Variants in PBX1 observed in about 807,000 individuals in gnomAD.
The protein encoded by PBX1 is pre-B-cell leukemia transcription factor 1.
In PBX1, 6 loss-of-function variants were observed where a neutral mutation model predicts 53.4. That is an observed-to-expected ratio of 0.11 (90% CI 0.06 to 0.22). PBX1 has a LOEUF of 0.22. Among genes scored for constraint, PBX1 ranks in the 10% least tolerant of loss-of-function variants. The pLI is 1.00. For missense variants in PBX1, 251 were observed against 551.4 expected (o/e 0.46, Z 5.46); for synonymous variants, 204 against 212.3 (o/e 0.96, Z 0.34).
intron 3 of PBX1, among the ~76,000 whole-genome samples, chr1:164,796,935 T>C (rs1417831213): frequency 6.6e-6 from 1 of 152,216 alleles, no homozygotes; most frequent in African/African-American, 2.4e-5. Flanking sequence ...CCAGCTTCTT[T>C]AGATACAAGG....
chr1:164,863,999 T>A (rs551187900), intron 2 of PBX1, among the ~76,000 whole-genome samples: 2 of 152,288 alleles, frequency 1.3e-5, no homozygotes, highest in Non-Finnish European at 1.5e-5. Context: ...GCAGGGATAA[T>A]AAGAGGAATA....
chr1:164,734,778 T>G (rs1665179304), intron 2 of PBX1, among the ~76,000 whole-genome samples: 1 of 152,106 alleles, frequency 6.6e-6, no homozygotes, highest in South Asian at 2.1e-4. Context: ...GGGGGAGGAA[T>G]AGAAAGATGA....
intron 2 of PBX1, among the ~76,000 whole-genome samples, chr1:164,774,159 C>G (rs895496001): frequency 7.2e-5 from 11 of 151,862 alleles, no homozygotes; most frequent in Admixed American, 3.3e-4. Flanking sequence ...AAATAAATGA[C>G]AGAATAAAAA....
chr1:164,687,560 CTA>C (rs1491386825), intron 2 of PBX1, among the ~76,000 whole-genome samples: 1 of 26,846 alleles, frequency 3.7e-5, no homozygotes, highest in Admixed American at 5.9e-4. Flanking sequence ...GAGACCTTGT[CTA>C]AAAAAAAAAA....
rs191262480 is a variant in PBX1 at position 164,801,105 on chromosome 1, G to A, written c.701+1216G>A. Among the ~76,000 whole-genome samples, 464 of 152,264 alleles carry A rather than the reference G, an allele frequency of 3.0e-3. 4 individuals are homozygous for A. The highest frequency in any genetic ancestry group is 9.7e-3 in the African/African-American group (405 of 41,548). ...TTGGGTTGCATGGAATATAACATGA[G>A]AATGCCGGCTAGCAAAATGTAACTC... On this transcript the variant is annotated intron_variant, in intron 4 of 8. Coordinates refer to ENST00000420696, the MANE Select transcript of PBX1 (RefSeq NM_002585.4).
chr1:164,729,479 A>C (rs563924229), intron 2 of PBX1, among the ~76,000 whole-genome samples: 507 of 152,284 alleles, frequency 3.3e-3, no homozygotes, highest in African/African-American at 0.012. Context: ...ATGTTGTGTA[A>C]ATATGTATAT....
At chr1:164,826,646 C>A (rs1670479327) in intron 8 of PBX1, among the ~76,000 whole-genome samples, 1 of 152,124 alleles carries the variant, frequency 6.6e-6, no homozygotes, top group Admixed American at 6.5e-5. Context: ...CTCAAGTGAT[C>A]CTCCTGCCTC....
intron 2 of PBX1, among the ~76,000 whole-genome samples, chr1:164,646,827 T>C (rs1450230225): frequency 6.6e-6 from 1 of 152,268 alleles, no homozygotes; most frequent in Admixed American, 6.5e-5. Context: ...GTGTTTGCTT[T>C]ACAGCAAATC....
chr1:164,823,097 G>A (rs905713953), intron 8 of PBX1, among the ~76,000 whole-genome samples: 5 of 152,198 alleles, frequency 3.3e-5, no homozygotes, highest in African/African-American at 1.2e-4. Context: ...CTCTGGAATG[G>A]AAGGAGAGAA....
intron 2 of PBX1, among the ~76,000 whole-genome samples, chr1:164,859,179 C>G (rs1389433685): frequency 6.6e-6 from 1 of 152,170 alleles, no homozygotes; most frequent in African/African-American, 2.4e-5. Context: ...CTCTGGTAAA[C>G]TTTCTTAGAG....
rs190797584 is a variant in PBX1, at chr1:164,838,702, A to T, written c.1201-7882A>T. 2.6e-4 allele frequency among the ~76,000 whole-genome samples: 39 copies of T among 152,270 alleles called. 1 individual carries two copies. Among genetic ancestry groups the T allele is most frequent in the African/African-American group, 9.4e-4 (39 of 41,562 alleles). ...TTCTCTCCTGAGAAGTAGGAGTAAGAGTTCACACTAGATTTGTGTACCACT... is the reference window on the plus strand; with the variant it reads ...TTCTCTCCTGAGAAGTAGGAGTAAGTGTTCACACTAGATTTGTGTACCACT... On this transcript the variant is annotated intron_variant, in intron 8 of 8. Transcript: ENST00000420696.
intron 2 of PBX1, among the ~76,000 whole-genome samples, chr1:164,869,605 T>C (rs1205615573): frequency 6.6e-6 from 1 of 152,134 alleles, no homozygotes; most frequent in Non-Finnish European, 1.5e-5. Context: ...AGAACTCAAG[T>C]AGACCAAATA....
chr1:164,563,349 GCCAATTAAATCACTTAA>G, intron 2 of PBX1, 38 bp downstream of exon 2: 1 of 1,389,442 alleles, frequency 7.2e-7, no homozygotes. Flanking sequence ...ATTTTCTTTG[GCCAATTAAATCACTTAA>G]CCAGCAGTCA....
intron 2 of PBX1, among the ~76,000 whole-genome samples, chr1:164,697,792 G>C (rs1662875841): frequency 6.6e-6 from 1 of 152,112 alleles, no homozygotes; most frequent in African/African-American, 2.4e-5. Context: ...GCCTGATTGT[G>C]GTCTTCACAT....
At chr1:164,819,087 C>G (rs984661677) in intron 6 of PBX1, 1 of 152,194 alleles carries the variant, frequency 6.6e-6, no homozygotes, top group Non-Finnish European at 1.5e-5. Flanking sequence ...AAACCTTGCA[C>G]GTTGAGCTTT....
At chr1:164,861,660 G>A (rs1460283383) in intron 2 of PBX1, among the ~76,000 whole-genome samples, 1 of 152,158 alleles carries the variant, frequency 6.6e-6, no homozygotes, top group Non-Finnish European at 1.5e-5. Context: ...GAAGTGACAA[G>A]TGCTAAGGGA....
At chr1:164,588,782 C>T (rs895880444) in intron 2 of PBX1, among the ~76,000 whole-genome samples, 3 of 152,046 alleles carry the variant, frequency 2.0e-5, no homozygotes, top group Non-Finnish European at 4.4e-5. Context: ...CTTGTTTGAG[C>T]GCGTTGCCCC....
chr1:164,631,024 C>T (rs1281101396), intron 2 of PBX1: 2 of 152,142 alleles, frequency 1.3e-5, no homozygotes, highest in Non-Finnish European at 2.9e-5. Context: ...GCCCTGGGGA[C>T]CTCGCAGAAG....
chr1:164,788,491 A>G (rs1399732832), intron 2 of PBX1, among the ~76,000 whole-genome samples: 2 of 151,890 alleles, frequency 1.3e-5, no homozygotes, highest in African/African-American at 4.8e-5. Flanking sequence ...GCTGGCTACA[A>G]ATATGAGCAT....
Sources: allele counts gnomAD v4.1 joint callset (sites outside exome capture counted in the v4.1 genomes callset), GRCh38; gene constraint gnomAD v4.1.1; transcripts MANE v1.5; gene names NCBI Gene and HGNC (gene_info 2026-07-23, HGNC 2026-07-21).